The following HERC2 variants were observed in gnomAD, a reference collection of about 807,000 sequenced individuals.
HERC2 encodes E3 ubiquitin-protein ligase HERC2.
In HERC2, 102 loss-of-function variants were observed where a neutral mutation model predicts 537.7. That is an observed-to-expected ratio of 0.19 (90% CI 0.16 to 0.22). The LOEUF (loss-of-function observed/expected upper bound fraction) is 0.22, where lower values mean the gene tolerates loss of function less well. Among genes scored for constraint, HERC2 ranks in the 10% least tolerant of loss-of-function variants. The pLI, the probability that HERC2 is intolerant of heterozygous loss-of-function variation, is 1.00. For missense variants in HERC2, 4,236 were observed against 6,198.2 expected (o/e 0.68, Z 10.63); for synonymous variants, 2,224 against 2,466.2 (o/e 0.90, Z 2.91).
rs1452309137 is a variant in HERC2 at position 28,150,175 on chromosome 15, GA to G, written c.10900+2501del. On this transcript the variant is annotated intron_variant, in intron 70 of 92. Coordinates refer to ENST00000261609, the MANE Select transcript of HERC2 (RefSeq NM_004667.6). ...CAAATGCACATTCTAGTGAAATCAC[GA>G]AAAAAACGCACGCGGCTGCTAACCG... 6.1e-5 allele frequency among the ~76,000 whole-genome samples: 9 copies of G among 148,054 alleles called. No homozygotes were observed. The South Asian group carries it at 1.5e-3, about 25-fold the overall frequency.
intron 69 of HERC2, among the ~76,000 whole-genome samples, chr15:28,162,295 C>T (rs1003524452): frequency 6.6e-6 from 1 of 152,138 alleles, no homozygotes; most frequent in African/African-American, 2.4e-5. Context: ...ATTGCGCCAC[C>T]GCACTCCAGC....
intron 83 of HERC2, among the ~76,000 whole-genome samples, chr15:28,129,897 C>T (rs982627310): frequency 2.0e-5 from 3 of 152,036 alleles, no homozygotes; most frequent in Admixed American, 2.0e-4. Context: ...CTGCCTCAGC[C>T]TCTTGAGTAG....
At chr15:28,271,541 C>T (rs1441953446) in intron 9 of HERC2, among the ~76,000 whole-genome samples, 1 of 151,878 alleles carries the variant, frequency 6.6e-6, no homozygotes, top group Non-Finnish European at 1.5e-5. Context: ...TGGTGGTGGG[C>T]GCCTGTAGTC....
Position 28,113,249 on chromosome 15 carries a change from AGAAGGTGCAGC to A in HERC2, c.14043_14053del (p.Leu4682GlnfsTer7). 6.2e-7 allele frequency: 1 copy of A among 1,614,106 alleles called. No individual in the cohort carries two copies. Among genetic ancestry groups the A allele is most frequent in the Non-Finnish European group, 8.5e-7 (1 of 1,180,030 alleles). Reference sequence around the variant, plus strand: ...GCCTTTATAGGTGGCCACCGACTTGAGAAGGTGCAGCGGGATGTCAGGGCTGCCACACACCT... The same window carrying A: ...GCCTTTATAGGTGGCCACCGACTTGAGGGATGTCAGGGCTGCCACACACCT... On this transcript the variant is annotated frameshift_variant, in exon 92 of 93. Coordinates refer to ENST00000261609, the MANE Select transcript of HERC2 (RefSeq NM_004667.6). LOFTEE classifies it high-confidence loss of function. This position sits in a 1 kb window ranked among gnomAD's most constrained non-coding sequence, Gnocchi z 7.0.
intron 86 of HERC2, chr15:28,117,487 G>A (rs915303935): frequency 6.5e-6 from 4 of 615,846 alleles, no homozygotes; most frequent in Admixed American, 4.2e-5. Context: ...ACCCTGGCAC[G>A]GACCATCCTC....
intron 8 of HERC2, 104 bp downstream of exon 8, chr15:28,272,790 C>T (rs2075772635): frequency 1.4e-6 from 1 of 722,812 alleles, no homozygotes; most frequent in Non-Finnish European, 2.3e-6. Context: ...CAGAGTACCA[C>T]ATCTGCTGCG....
At chr15:28,289,714 AT>A (rs1371731882) in intron 4 of HERC2, among the ~76,000 whole-genome samples, 1 of 152,264 alleles carries the variant, frequency 6.6e-6, no homozygotes, top group Non-Finnish European at 1.5e-5. Flanking sequence ...CATACCTAAA[AT>A]CCATGGACTT....
At chr15:28,116,615 G>T (rs565941829) in intron 88 of HERC2, 50 bp downstream of exon 88, 1 of 1,498,934 alleles carries the variant, frequency 6.7e-7, no homozygotes, top group Admixed American at 2.0e-5. Flanking sequence ...TTTAACTCAA[G>T]AGCAGGCACA....
In HERC2 at chr15:28,220,554, A is replaced by G. The variant is rs767657287; in HGVS notation, c.5743T>C (p.Ser1915Pro). 6.2e-7 allele frequency: 1 copy of G among 1,601,054 alleles called. No homozygotes were observed. The highest frequency in any genetic ancestry group is 8.5e-7 in the Non-Finnish European group (1 of 1,179,778). Reference protein sequence around the residue: ...RVQWDTGSTNSYRMGKEGKYD... With the variant: ...RVQWDTGSTNPYRMGKEGKYD... The stretch of plus-strand genomic sequence containing the variant: ...TTTCCTTCTTTCCCCATCCTGTAGG[A>G]GTTGGTGCTGCCTGTGTCCCACTGG... Residue 1915 changes from serine to proline, a missense_variant, in exon 37 of 93, where the codon TCC becomes CCC. Around this residue, in one of 27 missense-constraint regions of HERC2, gnomAD observed 365 missense variants for 468.8 expected, o/e 0.78. Transcript: ENST00000261609.
chr15:28,124,501 G>A (rs541504913), intron 84 of HERC2, among the ~76,000 whole-genome samples: 2 of 152,330 alleles, frequency 1.3e-5, no homozygotes, highest in South Asian at 4.1e-4. Context: ...AGAGTTTGGT[G>A]TGGGTTATAA....
At chr15:28,321,617 A>C (rs1373687330) in intron 1 of HERC2, among the ~76,000 whole-genome samples, 153 bp from the exon 2 acceptor site, 1 of 126,682 alleles carries the variant, frequency 7.9e-6, no homozygotes, top group Non-Finnish European at 1.5e-5. Flanking sequence ...GAAAGAGGGA[A>C]GAGATGGAGG....
At chr15:28,305,663 C>A (rs12397548) in intron 2 of HERC2, among the ~76,000 whole-genome samples, 4 of 121,650 alleles carry the variant, frequency 3.3e-5, no homozygotes, top group Non-Finnish European at 5.3e-5. Flanking sequence ...GCAACAAAAG[C>A]CAAAATTGAC....
intron 2 of HERC2, among the ~76,000 whole-genome samples, chr15:28,300,064 A>AAAAAG (rs1341306969): frequency 6.6e-6 from 1 of 151,128 alleles, no homozygotes; most frequent in African/African-American, 2.4e-5. Flanking sequence ...AAAAAAAAAA[A>AAAAAG]AAAAGAAAAG....
chr15:28,272,392 G>A lies in HERC2; in HGVS notation c.912-6C>T, dbSNP rs779634186. On this transcript the variant is annotated splice_polypyrimidine_tract_variant and splice_region_variant and intron_variant, in intron 8 of 92. Transcript: ENST00000261609. Reference sequence around the variant, plus strand: ...GGATGGCAGACAACATTTGGCTAAAGGAGAAAAGATATTTATTCTAGTAAA... The same window carrying A: ...GGATGGCAGACAACATTTGGCTAAAAGAGAAAAGATATTTATTCTAGTAAA... The A allele has an allele frequency of 3.7e-6, 6 of 1,609,028 alleles. No homozygotes were observed. The South Asian group carries it at 6.6e-5, about 18-fold the overall frequency.
intron 83 of HERC2, among the ~76,000 whole-genome samples, chr15:28,128,932 T>C (rs1042863751): frequency 3.3e-5 from 5 of 152,072 alleles, no homozygotes; most frequent in African/African-American, 1.2e-4. Context: ...CAACAGAGGG[T>C]AGAGAGCTCT....
At chr15:28,321,882 G>T (rs2077240026) in intron 1 of HERC2, among the ~76,000 whole-genome samples, 193 bp downstream of exon 1, 1 of 145,450 alleles carries the variant, frequency 6.9e-6, no homozygotes, top group Admixed American at 6.6e-5. Flanking sequence ...TTACTCAAAA[G>T]GATCGCCTGC....
intron 2 of HERC2, among the ~76,000 whole-genome samples, chr15:28,300,348 G>A (rs2076587028): frequency 6.7e-6 from 1 of 149,430 alleles, no homozygotes; most frequent in African/African-American, 2.6e-5. Context: ...CATATACAAA[G>A]AAAAGTATGT....
At chr15:28,140,278 C>A (rs1435130057) in intron 78 of HERC2, among the ~76,000 whole-genome samples, 1 of 152,106 alleles carries the variant, frequency 6.6e-6, no homozygotes, top group African/African-American at 2.4e-5. Context: ...GGAGCCTCCA[C>A]CCACTCCTAC....
chr15:28,175,787 A>G, intron 63 of HERC2, 131 bp from the exon 64 acceptor site: 1 of 875,256 alleles, frequency 1.1e-6, no homozygotes. Flanking sequence ...AAGGTCTTCA[A>G]ACTTGTATTC....
Sources: gnomAD v4.1 joint callset for allele counts (sites outside exome capture counted in the v4.1 genomes callset) on GRCh38, gnomAD v4.1.1 for gene constraint, gnomAD v4.1.1 regional missense constraint, Gnocchi (gnomAD v3.1) non-coding constraint, MANE v1.5 for transcripts, NCBI Gene and HGNC (gene_info 2026-07-23, HGNC 2026-07-21) for gene names.